Variants in CNTNAP3 observed in about 807,000 individuals in gnomAD.
CNTNAP3 encodes the protein contactin-associated protein-like 3.
A neutral mutation model predicts 92.1 loss-of-function variants in CNTNAP3; 36 were observed. That is an observed-to-expected ratio of 0.39 (90% CI 0.30 to 0.52). The LOEUF is 0.52. Among genes scored for constraint, CNTNAP3 ranks in the 20% least tolerant of loss-of-function variants. The probability of loss-of-function intolerance (pLI) is 0.76; values close to 1 mark genes in which losing one functional copy is unlikely to be tolerated. For synonymous variants in CNTNAP3, 232 were observed against 422.3 expected (o/e 0.55, Z 5.53); for missense variants, 534 against 1,069.6 (o/e 0.50, Z 6.98).
intron 10 of CNTNAP3, among the ~76,000 whole-genome samples, chr9:39,149,477 G>C (rs537820926): frequency 6.6e-6 from 1 of 151,260 alleles, no homozygotes; most frequent in Non-Finnish European, 1.5e-5. Context: ...AGCCTCCCCA[G>C]TAGCTGGGAC....
rs1825574928 is a variant in CNTNAP3, at chr9:39,068,932, G to C, written c.*4958C>G. Among the ~76,000 whole-genome samples the C allele has an allele frequency of 6.6e-6, 1 of 152,290 alleles. No homozygotes were observed. Among genetic ancestry groups the C allele is most frequent in the South Asian group, 2.1e-4 (1 of 4,836 alleles). On this transcript the variant is annotated 3_prime_UTR_variant, in exon 24 of 24. Coordinates refer to ENST00000297668, the MANE Select transcript of CNTNAP3 (RefSeq NM_033655.5). ...GTTTGAGGTTGTTTCATGCAGGAGG[G>C]TTAGAGGGTAAATATGCTCCCTATT...
intron 12 of CNTNAP3, 134 bp from the exon 13 acceptor site, chr9:39,133,269 G>C (rs1563888301): frequency 8.4e-7 from 1 of 1,191,682 alleles, no homozygotes; most frequent in African/African-American, 1.5e-5. Flanking sequence ...CGCGATTTGA[G>C]GAGTTGGACC....
At chr9:39,133,453 C>G (rs1358871539) in intron 12 of CNTNAP3, among the ~76,000 whole-genome samples, 2 of 151,442 alleles carry the variant, frequency 1.3e-5, no homozygotes, top group African/African-American at 4.9e-5. Flanking sequence ...ACTGTTACTA[C>G]CTGGACCTTT....
At position 39,148,378 on chromosome 9, in the gene CNTNAP3, T is replaced by C. The variant is rs1821754190; in HGVS notation, c.1649+1428A>G. ...TTCATTTAGTAGTAATTACGTTTTT[T>C]TAGTATGTCACTAACTATGAGTTAT... On this transcript the variant is annotated intron_variant, in intron 10 of 23. Coordinates refer to ENST00000297668, the MANE Select transcript of CNTNAP3 (RefSeq NM_033655.5). Among the ~76,000 whole-genome samples the C allele has an allele frequency of 3.9e-5, 6 of 152,228 alleles. No homozygotes were observed. The South Asian group carries it at 1.2e-3, about 31-fold the overall frequency.
chr9:39,094,113 T>C (rs1826275202), intron 18 of CNTNAP3, among the ~76,000 whole-genome samples: 1 of 151,616 alleles, frequency 6.6e-6, no homozygotes, highest in South Asian at 2.1e-4. Flanking sequence ...TTTGTATTTC[T>C]TTAATAACTA....
intron 13 of CNTNAP3, among the ~76,000 whole-genome samples, chr9:39,120,001 AAAAG>A (rs1384179608): frequency 6.6e-6 from 1 of 152,204 alleles, no homozygotes; most frequent in Non-Finnish European, 1.5e-5. Flanking sequence ...CCGAATCTCA[AAAAG>A]AGAGAAGAAA....
rs1825493721 is a variant in CNTNAP3, at chr9:39,065,618, A to G, written c.*8272T>C. ...TGTATGAGAATTATAATTGCTCCAT[A>G]TTCTCAACAACACGTGGTACTGACA... is the stretch of plus-strand genomic sequence containing the variant. On this transcript the variant is annotated 3_prime_UTR_variant, in exon 24 of 24. Coordinates refer to ENST00000297668, the MANE Select transcript of CNTNAP3 (RefSeq NM_033655.5). Among the ~76,000 whole-genome samples the G allele has an allele frequency of 6.6e-6, 1 of 152,184 alleles. No individual in the cohort carries two copies. The highest frequency in any genetic ancestry group is 1.5e-5 in the Non-Finnish European group (1 of 68,014).
At chr9:39,179,286 T>TCTACACAC (rs1491209886) in intron 4 of CNTNAP3, among the ~76,000 whole-genome samples, 5 of 80,754 alleles carry the variant, frequency 6.2e-5, no homozygotes, top group African/African-American at 2.8e-4. Flanking sequence ...TCTCTCTCTC[T>TCTACACAC]ACACACACAC....
intron 10 of CNTNAP3, among the ~76,000 whole-genome samples, chr9:39,145,418 C>A (rs1326335303): frequency 7.0e-6 from 1 of 143,604 alleles, no homozygotes; most frequent in African/African-American, 2.5e-5. Flanking sequence ...ACCCAAGTGC[C>A]CCTCACCATG....
chr9:39,140,869 G>A (rs1821558104), intron 11 of CNTNAP3, among the ~76,000 whole-genome samples: 1 of 152,290 alleles, frequency 6.6e-6, no homozygotes, highest in South Asian at 2.1e-4. Context: ...ACATTCAAAT[G>A]TTGGATGTTG....
At position 39,068,223 on chromosome 9, in the gene CNTNAP3, C is replaced by A. The variant is rs1158160753; in HGVS notation, c.*5667G>T. 6.6e-6 allele frequency among the ~76,000 whole-genome samples: 1 copy of A among 151,216 alleles called. No individual in the cohort carries two copies. The highest frequency in any genetic ancestry group is 6.6e-5 in the Admixed American group (1 of 15,120). ...GACCATCCTGGCTAACACGGTGAAA[C>A]CTTGCCTCCACTAAAAATACAAAAA... On this transcript the variant is annotated 3_prime_UTR_variant, in exon 24 of 24. Coordinates refer to ENST00000297668, the MANE Select transcript of CNTNAP3 (RefSeq NM_033655.5).
chr9:39,091,278 T>C (rs1826194306), intron 18 of CNTNAP3, among the ~76,000 whole-genome samples: 1 of 152,178 alleles, frequency 6.6e-6, no homozygotes, highest in Admixed American at 6.5e-5. Flanking sequence ...TTCTTGATCT[T>C]AGGAAAAAAA....
intron 14 of CNTNAP3, among the ~76,000 whole-genome samples, chr9:39,116,077 G>A (rs1429423843): frequency 4.0e-5 from 6 of 151,658 alleles, no homozygotes; most frequent in Non-Finnish European, 5.9e-5. Context: ...GCTTGAATCC[G>A]GGAGGCGCAG....
intron 2 of CNTNAP3, among the ~76,000 whole-genome samples, chr9:39,253,014 TAC>T (rs1178975952): frequency 0.028 from 100 of 3,606 alleles, 33 homozygotes; most frequent in Non-Finnish European, 0.036. Flanking sequence ...CAACTGAATA[TAC>T]ACACACACAC....
At chr9:39,077,680 C>T (rs1825816604) in intron 23 of CNTNAP3, among the ~76,000 whole-genome samples, 1 of 152,352 alleles carries the variant, frequency 6.6e-6, no homozygotes, top group African/African-American at 2.4e-5. Context: ...AAAGTGTATG[C>T]TCTGATAATT....
At chr9:39,168,006 G>GT (rs201151152) in intron 8 of CNTNAP3, among the ~76,000 whole-genome samples, 3,893 of 140,912 alleles carry the variant, frequency 0.028, 258 homozygotes, top group African/African-American at 0.098. Flanking sequence ...TTTACCTTGA[G>GT]TTTTTTTTTG....
At chr9:39,146,516 C>T (rs1331623845) in intron 10 of CNTNAP3, among the ~76,000 whole-genome samples, 4 of 151,056 alleles carry the variant, frequency 2.6e-5, no homozygotes, top group East Asian at 2.0e-4. Context: ...GGTGAAACCC[C>T]GTCTTTACTA....
intron 18 of CNTNAP3, among the ~76,000 whole-genome samples, chr9:39,089,307 G>A (rs547874756): frequency 1.2e-3 from 181 of 152,256 alleles, no homozygotes; most frequent in Admixed American, 2.0e-3. Flanking sequence ...ATCATATAAC[G>A]TGTGGTCTTT....
intron 12 of CNTNAP3, among the ~76,000 whole-genome samples, chr9:39,133,638 T>C (rs183197388): frequency 1.2e-4 from 18 of 152,298 alleles, no homozygotes; most frequent in Admixed American, 1.2e-3. Context: ...TATCCATCAG[T>C]GACCAAGCCC....
Sources: gnomAD v4.1 joint callset for allele counts (sites outside exome capture counted in the v4.1 genomes callset) on GRCh38, gnomAD v4.1.1 for gene constraint, MANE v1.5 for transcripts, NCBI Gene and HGNC (gene_info 2026-07-23, HGNC 2026-07-21) for gene names.